Variants in SH3PXD2A observed in about 807,000 individuals in gnomAD.
SH3PXD2A encodes SH3 and PX domain-containing protein 2A.
A neutral mutation model predicts 115.2 loss-of-function variants in SH3PXD2A; 32 were observed. The ratio of observed to expected loss-of-function variants is 0.28; its 90% CI spans 0.21 to 0.37. SH3PXD2A has a LOEUF of 0.37. Among genes scored for constraint, SH3PXD2A ranks in the 10% least tolerant of loss-of-function variants. The pLI is 1.00. For missense variants in SH3PXD2A, 1,328 were observed against 1,498.7 expected (o/e 0.89, Z 1.88); for synonymous variants, 610 against 629.1 (o/e 0.97, Z 0.45).
intron 13 of SH3PXD2A, among the ~76,000 whole-genome samples, chr10:103,610,360 A>G (rs1282117952): frequency 6.6e-6 from 1 of 152,256 alleles, no homozygotes; most frequent in Non-Finnish European, 1.5e-5. Context: ...TGTGGAAGGA[A>G]TTACCCCATT....
chr10:103,732,166 G>T (rs903495073), intron 4 of SH3PXD2A, among the ~76,000 whole-genome samples: 4 of 152,124 alleles, frequency 2.6e-5, no homozygotes, highest in African/African-American at 9.7e-5. Context: ...CCCCTCCCTA[G>T]AATATTCATT....
At chr10:103,835,709 C>T (rs761866230) in intron 1 of SH3PXD2A, among the ~76,000 whole-genome samples, 1 of 152,200 alleles carries the variant, frequency 6.6e-6, no homozygotes, top group Non-Finnish European at 1.5e-5. Flanking sequence ...TTTCCAGTCT[C>T]CCGTGCAGCT....
intron 7 of SH3PXD2A, chr10:103,661,932 C>G: frequency 1.0e-6 from 1 of 985,194 alleles, no homozygotes; most frequent in Non-Finnish European, 1.2e-6. Context: ...TCCTCAAGTT[C>G]GCTCCGTTCC....
chr10:103,772,433 A>T (rs2038833584), intron 2 of SH3PXD2A, among the ~76,000 whole-genome samples: 1 of 152,218 alleles, frequency 6.6e-6, no homozygotes, highest in Non-Finnish European at 1.5e-5. Context: ...CTTTGCAGGC[A>T]GGAAGCAGAT....
chr10:103,812,521 C>T (rs886393123), intron 1 of SH3PXD2A, among the ~76,000 whole-genome samples: 1 of 152,098 alleles, frequency 6.6e-6, no homozygotes, highest in Non-Finnish European at 1.5e-5. Context: ...ATTCTCATTC[C>T]ACACACTCCC....
intron 8 of SH3PXD2A, among the ~76,000 whole-genome samples, chr10:103,641,694 C>T (rs1436770978): frequency 6.6e-6 from 1 of 152,196 alleles, no homozygotes; most frequent in Non-Finnish European, 1.5e-5. Flanking sequence ...GTCTACGAAG[C>T]CCTGAGTCTT....
intron 8 of SH3PXD2A, among the ~76,000 whole-genome samples, chr10:103,655,817 C>T (rs2037203990): frequency 6.9e-6 from 1 of 144,792 alleles, no homozygotes; most frequent in Middle Eastern, 3.4e-3. Flanking sequence ...GTCTGTAAGG[C>T]TATCCCAGGC....
chr10:103,780,325 T>C (rs188256326), intron 2 of SH3PXD2A, among the ~76,000 whole-genome samples: 1 of 152,360 alleles, frequency 6.6e-6, no homozygotes, highest in East Asian at 1.9e-4. Context: ...TCCCCACTTT[T>C]TTCTCTATTC....
chr10:103,823,284 C>T (rs1484794325), intron 1 of SH3PXD2A, among the ~76,000 whole-genome samples: 2 of 152,292 alleles, frequency 1.3e-5, no homozygotes, highest in South Asian at 2.1e-4. Context: ...GCAGAAAAAT[C>T]CGTCTCTTTT....
chr10:103,827,820 A>G (rs949326478), intron 1 of SH3PXD2A, among the ~76,000 whole-genome samples: 2 of 152,196 alleles, frequency 1.3e-5, no homozygotes, highest in East Asian at 3.9e-4. Context: ...CTAGATTTGA[A>G]TTCCGGCTCT....
intron 11 of SH3PXD2A, among the ~76,000 whole-genome samples, chr10:103,614,089 A>T (rs200062965): frequency 2.2e-4 from 22 of 101,104 alleles, no homozygotes; most frequent in Admixed American, 1.4e-3. Context: ...CCAAAAAAAA[A>T]TTTTTTTTTT....
Position 103,855,251 on chromosome 10 carries a change from C to G in SH3PXD2A, c.16G>C (p.Val6Leu). The G allele has an allele frequency of 2.0e-6, 3 of 1,526,770 alleles. No homozygotes were observed. Among genetic ancestry groups the G allele is most frequent in the Non-Finnish European group, 2.6e-6 (3 of 1,134,960 alleles). The allele number at this position is 1,526,770 out of a possible 1,614,324, so 94.6% of individuals were successfully genotyped here. The change falls in exon 1 of 15, where the codon GTG (valine) becomes CTG (leucine). Residue 6 changes from valine (V) to leucine (L), a missense_variant. Physicochemically the swap from Val to Leu is conservative, Grantham distance 32. Transcript: ENST00000369774. ...ACGTCCACCACGGTGGCATCCTGCA[C>G]GCAGTAGGCGAGCATCTTCCCCCAC... MLAYC[V>L]QDATVVDVEK...
At chr10:103,689,730 C>T (rs537610206) in intron 6 of SH3PXD2A, among the ~76,000 whole-genome samples, 1 of 151,954 alleles carries the variant, frequency 6.6e-6, no homozygotes, top group East Asian at 1.9e-4. Flanking sequence ...GTGGATGGTG[C>T]CAGTTCCTGA....
At chr10:103,841,569 C>T (rs1681007821) in intron 1 of SH3PXD2A, among the ~76,000 whole-genome samples, 1 of 152,140 alleles carries the variant, frequency 6.6e-6, no homozygotes, top group Non-Finnish European at 1.5e-5. Context: ...GGCCTCACTG[C>T]TGAGCAGAGC....
At chr10:103,725,165 T>G (rs187905973) in intron 4 of SH3PXD2A, among the ~76,000 whole-genome samples, 5 of 152,228 alleles carry the variant, frequency 3.3e-5, no homozygotes, top group Admixed American at 2.6e-4. Context: ...AATTAACTGG[T>G]CAAGGTGGAG....
intron 3 of SH3PXD2A, among the ~76,000 whole-genome samples, chr10:103,742,663 TAC>T (rs2134193875): frequency 6.6e-6 from 1 of 152,312 alleles, no homozygotes; most frequent in East Asian, 1.9e-4. Context: ...GTGGTTTCTA[TAC>T]TCCCTGAATC....
rs561281547 is a variant in SH3PXD2A, at chr10:103,598,273, C to G, written c.*3543G>C. 32 of 152,758 alleles carry G rather than the reference C, an allele frequency of 2.1e-4. No homozygotes were observed. The highest frequency in any genetic ancestry group is 7.5e-4 in the African/African-American group (31 of 41,580). The allele number at this position is 152,758 out of a possible 1,614,324, so 9.5% of individuals were successfully genotyped here. ...CACAGGGCATGGGGCACACCTGCTG[C>G]TCAGGGTTGCCCCTTTCCAGCTCTC... On this transcript the variant is annotated 3_prime_UTR_variant, in exon 15 of 15. Transcript: ENST00000369774.
chr10:103,823,468 G>A (rs143245024), intron 1 of SH3PXD2A, among the ~76,000 whole-genome samples: 130 of 152,290 alleles, frequency 8.5e-4, no homozygotes, highest in African/African-American at 3.0e-3. Flanking sequence ...CCATTTCATG[G>A]CAACTGAGGC....
At chr10:103,686,817 G>A (rs535901097) in intron 6 of SH3PXD2A, among the ~76,000 whole-genome samples, 2 of 146,124 alleles carry the variant, frequency 1.4e-5, no homozygotes, top group South Asian at 2.2e-4. Flanking sequence ...GCATGATCTC[G>A]GCTCACTGCA....
Sources: allele counts gnomAD v4.1 joint callset (sites outside exome capture counted in the v4.1 genomes callset), GRCh38; gene constraint gnomAD v4.1.1; transcripts MANE v1.5; gene names NCBI Gene and HGNC (gene_info 2026-07-23, HGNC 2026-07-21).